IGF2BP2: variants seen among roughly 807,000 people sequenced by gnomAD.
IGF2BP2 encodes the protein insulin-like growth factor 2 mRNA-binding protein 2.
In IGF2BP2, 17 loss-of-function variants were observed where a neutral mutation model predicts 75.8. The observed-to-expected ratio is 0.22, with a 90% CI of 0.15 to 0.34. The LOEUF is 0.34. Among genes scored for constraint, IGF2BP2 ranks in the 10% least tolerant of loss-of-function variants. The pLI is 1.00. For synonymous variants in IGF2BP2, 288 were observed against 295.6 expected (o/e 0.97, Z 0.26); for missense variants, 516 against 772.4 (o/e 0.67, Z 3.93).
intron 10 of IGF2BP2, among the ~76,000 whole-genome samples, chr3:185,665,977 GATAGATAGATAGGTAGATAGGTAC>G (rs1484294410): frequency 6.7e-6 from 1 of 148,946 alleles, no homozygotes; most frequent in Admixed American, 6.8e-5. Context: ...TAGATAGACA[GATAGATAGATAGGTAGATAGGTAC>G]ATAGATAGAT....
chr3:185,707,224 CAAA>C (rs1171145824), intron 2 of IGF2BP2, among the ~76,000 whole-genome samples: 1 of 86,048 alleles, frequency 1.2e-5, no homozygotes. Flanking sequence ...AACTCCATCT[CAAA>C]AAAAAAAAAG....
At chr3:185,769,353 T>A (rs1255290355) in intron 2 of IGF2BP2, among the ~76,000 whole-genome samples, 1 of 151,960 alleles carries the variant, frequency 6.6e-6, no homozygotes, top group Non-Finnish European at 1.5e-5. Flanking sequence ...ACACCCTGTC[T>A]CCAAATTTTT....
chr3:185,674,156 T>C (rs1371598522), intron 9 of IGF2BP2, among the ~76,000 whole-genome samples: 3 of 152,232 alleles, frequency 2.0e-5, no homozygotes, highest in Non-Finnish European at 4.4e-5. Context: ...GACCTGGGTT[T>C]AATCTAAAGA....
intron 2 of IGF2BP2, among the ~76,000 whole-genome samples, chr3:185,751,965 A>AAAT (rs1197973964): frequency 3.3e-5 from 5 of 152,100 alleles, no homozygotes; most frequent in Admixed American, 6.5e-5. Context: ...CTGTCTCAAA[A>AAAT]AATAATAATA....
At chr3:185,821,453 G>A (rs1466239813) in intron 2 of IGF2BP2, among the ~76,000 whole-genome samples, 1 of 152,082 alleles carries the variant, frequency 6.6e-6, no homozygotes, top group African/African-American at 2.4e-5. Flanking sequence ...TTACTTAAAT[G>A]ACACTCCGGC....
chr3:185,768,410 A>AT (rs1317736181), intron 2 of IGF2BP2, among the ~76,000 whole-genome samples: 1 of 152,102 alleles, frequency 6.6e-6, no homozygotes, highest in Non-Finnish European at 1.5e-5. Context: ...TTCAGGATAG[A>AT]TTTTTTTCTG....
intron 2 of IGF2BP2, among the ~76,000 whole-genome samples, chr3:185,800,712 C>CA (rs771161283): frequency 1.4e-4 from 12 of 82,776 alleles, no homozygotes; most frequent in Admixed American, 4.0e-4. Flanking sequence ...GTGACTGAGC[C>CA]AAAAAAAAAG....
intron 2 of IGF2BP2, among the ~76,000 whole-genome samples, chr3:185,774,627 A>C (rs578041375): frequency 5.9e-5 from 9 of 151,592 alleles, no homozygotes; most frequent in Non-Finnish European, 7.4e-5. Context: ...AGAAAGTAAA[A>C]ACAACTTCAA....
chr3:185,713,990 C>G (rs1011415054), intron 2 of IGF2BP2, among the ~76,000 whole-genome samples: 5 of 152,186 alleles, frequency 3.3e-5, no homozygotes, highest in African/African-American at 1.2e-4. Context: ...CGTGAGCCAC[C>G]ACGTCTAGCC....
intron 2 of IGF2BP2, chr3:185,722,517 G>A (rs577533702): frequency 3.1e-5 from 9 of 292,308 alleles, no homozygotes; most frequent in Non-Finnish European, 5.3e-5. Flanking sequence ...TCTGGAGGCG[G>A]TACAGTGAGC....
chr3:185,684,467 C>T (rs377138788), intron 7 of IGF2BP2, among the ~76,000 whole-genome samples: 17 of 151,934 alleles, frequency 1.1e-4, no homozygotes, highest in African/African-American at 2.7e-4. Context: ...TGCAGTGGCG[C>T]GATCTCGGCT....
At chr3:185,752,000 A>G (rs1731035196) in intron 2 of IGF2BP2, among the ~76,000 whole-genome samples, 1 of 152,100 alleles carries the variant, frequency 6.6e-6, no homozygotes, top group African/African-American at 2.4e-5. Context: ...AATCTGATGA[A>G]TGCTATTAGT....
At chr3:185,659,274 T>G (rs1716002884) in intron 10 of IGF2BP2, among the ~76,000 whole-genome samples, 1 of 149,200 alleles carries the variant, frequency 6.7e-6, no homozygotes, top group African/African-American at 2.5e-5. Context: ...AGAAAGAAAA[T>G]GAATGTGGAG....
chr3:185,658,550 C>G, intron 10 of IGF2BP2, 141 bp from the exon 11 acceptor site: 1 of 640,008 alleles, frequency 1.6e-6, no homozygotes, highest in Non-Finnish European at 2.7e-6. Flanking sequence ...GCCTGTCCCT[C>G]TGTGTCTCAG....
chr3:185,689,576 A>G lies in IGF2BP2; in HGVS notation c.456T>C (p.Ile152=), dbSNP rs754540215. Reference sequence around the variant, plus strand: ...TCACCTCTTCATCCGGGATGTAGGAAATCTTGAAGGAGTAGTTCTCAAACT... The same window carrying G: ...TCACCTCTTCATCCGGGATGTAGGAGATCTTGAAGGAGTAGTTCTCAAACT... ...GHQFENYSFK[I]SYIPDEEVSS... The change falls in exon 6 of 16, where the codon ATT becomes ATC. Residue 152 remains isoleucine, a synonymous_variant. Coordinates refer to ENST00000382199, the MANE Select transcript of IGF2BP2 (RefSeq NM_006548.6). 2.5e-6 allele frequency: 4 copies of G among 1,614,072 alleles called. No individual in the cohort carries two copies. In the South Asian group the frequency reaches 4.4e-5, roughly 18 times the overall value.
rs10602691 is a variant in IGF2BP2, at chr3:185,789,727, AT to A, written c.239+33425del. 7.7e-3 allele frequency among the ~76,000 whole-genome samples: 862 copies of A among 111,566 alleles called. 1 individual carries two copies. The highest frequency in any genetic ancestry group is 0.022 in the African/African-American group (626 of 28,176). 73.2% of individuals were successfully genotyped at this position (111,566 alleles called of 152,430 possible). A position where few individuals can be genotyped will look rare whatever the true frequency, so the allele number is the denominator to read the frequency against. On this transcript the variant is annotated intron_variant, in intron 2 of 15. Coordinates refer to ENST00000382199, the MANE Select transcript of IGF2BP2 (RefSeq NM_006548.6). ...GAGTTTCTGTTACTAACAACCAGGA[AT>A]TTTTTTTTTTTTTTTTTTTTTTTGA... is the stretch of plus-strand genomic sequence containing the variant.
chr3:185,683,642 A>C (rs1229376760), intron 7 of IGF2BP2, among the ~76,000 whole-genome samples: 1 of 152,100 alleles, frequency 6.6e-6, no homozygotes, highest in Non-Finnish European at 1.5e-5. Context: ...CTCCTGACTC[A>C]AGTGATCCAC....
At chr3:185,667,966 A>G (rs1454175980) in intron 10 of IGF2BP2, among the ~76,000 whole-genome samples, 1 of 152,224 alleles carries the variant, frequency 6.6e-6, no homozygotes, top group African/African-American at 2.4e-5. Context: ...ACATAATGCT[A>G]TTGCACACTT....
intron 2 of IGF2BP2, among the ~76,000 whole-genome samples, chr3:185,725,306 T>A (rs763686860): frequency 6.6e-6 from 1 of 152,070 alleles, no homozygotes; most frequent in Non-Finnish European, 1.5e-5. Flanking sequence ...ATGGAAAGGT[T>A]TGAAAGTGGT....
Sources: gnomAD v4.1 joint callset for allele counts (sites outside exome capture counted in the v4.1 genomes callset) on GRCh38, gnomAD v4.1.1 for gene constraint, MANE v1.5 for transcripts, NCBI Gene and HGNC (gene_info 2026-07-23, HGNC 2026-07-21) for gene names.